The following LGSN variants were observed in gnomAD, a reference collection of about 807,000 sequenced individuals.
The protein encoded by LGSN is lengsin, lens protein with glutamine synthetase domain, also known as lengsin.
In LGSN, 21 loss-of-function variants were observed where a neutral mutation model predicts 19.5. The ratio of observed to expected loss-of-function variants is 1.07; its 90% CI spans 0.76 to 1.55. The LOEUF is 1.55. LGSN is among the 40% of genes most tolerant of loss of function. The pLI, the probability that LGSN is intolerant of heterozygous loss-of-function variation, is 0.00. For synonymous variants in LGSN, 257 were observed against 215.6 expected, an observed-to-expected ratio of 1.19 and a Z score of -1.68; for missense variants, 673 against 608.5, an observed-to-expected ratio of 1.11 and a Z score of -1.12.
chr6:63,398,202 T>C, the LGSN span, among the ~76,000 whole-genome samples: 1 of 137,846 alleles, frequency 7.3e-6, no homozygotes, highest in Non-Finnish European at 1.5e-5. Flanking sequence ...TATACTCCTA[T>C]TTACTAAAAA....
At chr6:63,483,652 T>A in the LGSN span, among the ~76,000 whole-genome samples, 1 of 152,138 alleles carries the variant, frequency 6.6e-6, no homozygotes, top group Non-Finnish European at 1.5e-5. Context: ...CTTCTAGAGC[T>A]GCCATGACAA....
chr6:63,313,132 G>T (rs996532943), intron 1 of LGSN, among the ~76,000 whole-genome samples: 1 of 152,078 alleles, frequency 6.6e-6, no homozygotes, highest in Admixed American at 6.5e-5. Context: ...TTTAAATGGT[G>T]CACAGTAAAA....
At chr6:63,442,342 G>C in the LGSN span, among the ~76,000 whole-genome samples, 1 of 152,164 alleles carries the variant, frequency 6.6e-6, no homozygotes, top group Admixed American at 6.5e-5. Context: ...GGACCTGACC[G>C]GGTTGCTGCT....
the LGSN span, among the ~76,000 whole-genome samples, chr6:63,511,603 T>C: frequency 6.6e-6 from 1 of 152,186 alleles, no homozygotes. Flanking sequence ...AATCATTACC[T>C]GGGCATTTTT....
the LGSN span, among the ~76,000 whole-genome samples, chr6:63,350,419 T>A: frequency 6.6e-6 from 1 of 152,386 alleles, no homozygotes; most frequent in East Asian, 1.9e-4. Flanking sequence ...CATAGTTATT[T>A]GTCTGCAAAC....
the LGSN span, among the ~76,000 whole-genome samples, chr6:63,493,494 G>C: frequency 6.6e-6 from 1 of 151,378 alleles, no homozygotes; most frequent in Non-Finnish European, 1.5e-5. Context: ...CAGATGTTCA[G>C]TTTAAAGAAT....
chr6:63,422,975 A>C, the LGSN span, among the ~76,000 whole-genome samples: 5 of 152,334 alleles, frequency 3.3e-5, no homozygotes, highest in East Asian at 9.6e-4. Context: ...ATAAGAATAA[A>C]TAGTTTGAAA....
At chr6:63,362,556 G>C in the LGSN span, among the ~76,000 whole-genome samples, 1 of 152,198 alleles carries the variant, frequency 6.6e-6, no homozygotes, top group Non-Finnish European at 1.5e-5. Flanking sequence ...TATATCCCCC[G>C]CCTGGCTCAG....
Position 63,294,981 on chromosome 6 carries a change from C to T in LGSN, c.95G>A (p.Arg32Lys). 6.2e-7 allele frequency: 1 copy of T among 1,613,704 alleles called. No individual in the cohort carries two copies. The highest frequency in any genetic ancestry group is 1.1e-5 in the South Asian group (1 of 91,078). The change falls in exon 2 of 4, where the codon AGG (arginine) becomes AAG (lysine). Residue 32 changes from arginine (R) to lysine (K), a missense_variant. Arg to Lys is a conservative substitution (Grantham distance 26). Transcript: ENST00000370657. ...ANSMNTLRRT[R>K]KKVTKPYVCS... ...AACATATGGTTTAGTGACTTTCTTC[C>T]TTGTCCTTCTTAATGTGTTCATGCT... is the stretch of plus-strand genomic sequence containing the variant.
chr6:63,485,883 C>A, the LGSN span, among the ~76,000 whole-genome samples: 1 of 152,094 alleles, frequency 6.6e-6, no homozygotes, highest in African/African-American at 2.4e-5. Flanking sequence ...CACGCACCAC[C>A]ATGCCCAGCT....
chr6:63,432,088 G>GGAAGGAAAGAAA, the LGSN span, among the ~76,000 whole-genome samples: 5 of 44,740 alleles, frequency 1.1e-4, no homozygotes, highest in Admixed American at 3.8e-4. Flanking sequence ...AGAAAAAGAA[G>GGAAGGAAAGAAA]GAAAGAAAGA....
chr6:63,353,782 T>C, the LGSN span, among the ~76,000 whole-genome samples: 1 of 151,920 alleles, frequency 6.6e-6, no homozygotes, highest in Non-Finnish European at 1.5e-5. Flanking sequence ...ATCATTACAG[T>C]GATACAAAAA....
chr6:63,432,102 AAAG>A, the LGSN span, among the ~76,000 whole-genome samples: 387 of 87,966 alleles, frequency 4.4e-3, 1 homozygote, highest in Admixed American at 7.4e-3. Flanking sequence ...AGAAAGAAAG[AAAG>A]AAAGAAAGAA....
At chr6:63,432,065 A>T in the LGSN span, among the ~76,000 whole-genome samples, 1 of 147,062 alleles carries the variant, frequency 6.8e-6, no homozygotes, top group Non-Finnish European at 1.5e-5. Flanking sequence ...ACAGAGTAAG[A>T]CTCCATCTCG....
chr6:63,319,522 C>G (rs913706885), intron 1 of LGSN, among the ~76,000 whole-genome samples: 1 of 152,218 alleles, frequency 6.6e-6, no homozygotes, highest in Non-Finnish European at 1.5e-5. Context: ...AGGTTTCCAC[C>G]TTTAGTCATT....
At chr6:63,380,294 G>T in the LGSN span, among the ~76,000 whole-genome samples, 2 of 152,126 alleles carry the variant, frequency 1.3e-5, no homozygotes, top group African/African-American at 2.4e-5. Context: ...GAATTTCTGT[G>T]CCACTTTACA....
At chr6:63,356,031 T>A in the LGSN span, among the ~76,000 whole-genome samples, 1 of 146,496 alleles carries the variant, frequency 6.8e-6, no homozygotes, top group Admixed American at 6.6e-5. Context: ...ATATTCTTCC[T>A]TCTACGCACA....
At chr6:63,406,012 C>A in the LGSN span, among the ~76,000 whole-genome samples, 1 of 152,142 alleles carries the variant, frequency 6.6e-6, no homozygotes. Flanking sequence ...CACAGGAGCA[C>A]CCAGATTCAT....
the LGSN span, among the ~76,000 whole-genome samples, chr6:63,368,724 AG>A: frequency 6.6e-6 from 1 of 152,220 alleles, no homozygotes; most frequent in Non-Finnish European, 1.5e-5. Flanking sequence ...TCCTCCTACC[AG>A]AATGTAAACT....
Sources: gnomAD v4.1 joint callset for allele counts (sites outside exome capture counted in the v4.1 genomes callset) on GRCh38, gnomAD v4.1.1 for gene constraint, MANE v1.5 for transcripts, NCBI Gene and HGNC (gene_info 2026-07-23, HGNC 2026-07-21) for gene names.